B3GALNT1: variants seen among roughly 807,000 people sequenced by gnomAD.
B3GALNT1 encodes the protein beta-1,3-N-acetylgalactosaminyltransferase 1 (Globoside blood group), also known as UDP-GalNAc:beta-1,3-N-acetylgalactosaminyltransferase 1.
Under a neutral mutation model 27.3 loss-of-function variants are expected in B3GALNT1, and 17 were observed. The ratio of observed to expected loss-of-function variants is 0.62; its 90% CI spans 0.43 to 0.94. The LOEUF (loss-of-function observed/expected upper bound fraction) is 0.94, where lower values mean the gene tolerates loss of function less well. Ranked by LOEUF, B3GALNT1 falls within the 40% of genes least tolerant of loss-of-function variation. The pLI, the probability that B3GALNT1 is intolerant of heterozygous loss-of-function variation, is 0.00. For missense variants in B3GALNT1, 347 were observed against 390.0 expected (o/e 0.89, Z 0.93); for synonymous variants, 141 against 144.0 (o/e 0.98, Z 0.15).
intron 4 of B3GALNT1, among the ~76,000 whole-genome samples, chr3:161,091,524 G>A (rs919554733): frequency 2.6e-5 from 4 of 152,030 alleles, no homozygotes; most frequent in Non-Finnish European, 5.9e-5. Context: ...TCTTCCCAGC[G>A]TATCCACACT....
chr3:161,104,509 G>A, intron 1 of B3GALNT1, 103 bp from the exon 2 acceptor site: 4 of 445,730 alleles, frequency 9.0e-6, no homozygotes, highest in Non-Finnish European at 1.5e-5. Context: ...AAGACTACCC[G>A]TACTTGAGGA....
intron 1 of B3GALNT1, 67 bp from the exon 2 acceptor site, chr3:161,104,473 A>G: frequency 1.5e-6 from 1 of 677,134 alleles, no homozygotes; most frequent in Non-Finnish European, 2.2e-6. Context: ...ATCCAACATT[A>G]AGAAGGCGAA....
At position 161,085,641 on chromosome 3, in the gene B3GALNT1, G is replaced by T; in HGVS notation, c.*118C>A. 1 of 1,137,728 alleles carries T rather than the reference G, an allele frequency of 8.8e-7. No individual in the cohort carries two copies. Among genetic ancestry groups the T allele is most frequent in the Non-Finnish European group, 1.3e-6 (1 of 761,304 alleles). The allele number at this position is 1,137,728 out of a possible 1,614,324, so 70.5% of individuals were successfully genotyped here. A position where few individuals can be genotyped will look rare whatever the true frequency, so the allele number is the denominator to read the frequency against. ...AGTCTCCAGTCTGGGTTTTTCATGA[G>T]TTTCAGTTCAGTGTAAGCCAGCACA... On this transcript the variant is annotated 3_prime_UTR_variant, in exon 5 of 5. Transcript: ENST00000320474.
chr3:161,092,664 T>C (rs1725790749), intron 4 of B3GALNT1, among the ~76,000 whole-genome samples: 1 of 152,114 alleles, frequency 6.6e-6, no homozygotes, highest in Non-Finnish European at 1.5e-5. Context: ...ATAAAAATGC[T>C]TTGGATATCA....
chr3:161,098,568 C>G (rs13061088), intron 4 of B3GALNT1, among the ~76,000 whole-genome samples: 29,201 of 152,114 alleles, frequency 0.19, 3,580 homozygotes, highest in East Asian at 0.55. Context: ...CAAAAATTAG[C>G]CAGGCATACT....
intron 4 of B3GALNT1, among the ~76,000 whole-genome samples, chr3:161,092,776 T>C (rs1725941185): frequency 6.9e-6 from 1 of 144,908 alleles, no homozygotes; most frequent in African/African-American, 2.6e-5. Context: ...TTTTTTTTTT[T>C]TTTTTTTTGA....
chr3:161,102,666 A>C (rs1345668003), intron 3 of B3GALNT1, among the ~76,000 whole-genome samples: 1 of 152,236 alleles, frequency 6.6e-6, no homozygotes, highest in African/African-American at 2.4e-5. Context: ...CTGTTGTGCA[A>C]GGTCATTAAG....
At chr3:161,104,936 G>C (rs1479941150) in intron 1 of B3GALNT1, 4 of 152,242 alleles carry the variant, frequency 2.6e-5, no homozygotes, top group Non-Finnish European at 5.9e-5. Context: ...ATGCGGCGCG[G>C]CCGCGGCCTG....
intron 4 of B3GALNT1, among the ~76,000 whole-genome samples, chr3:161,099,498 A>G (rs900071555): frequency 3.3e-5 from 5 of 152,226 alleles, no homozygotes; most frequent in African/African-American, 1.2e-4. Flanking sequence ...TATGAGTCCA[A>G]TATGATAAAA....
rs766473939 is a variant in B3GALNT1, at chr3:161,086,532, G to C, written c.223C>G (p.His75Asp). The change falls in exon 5 of 5, where the codon CAT (histidine) becomes GAT (aspartate). Residue 75 changes from histidine to aspartate, a missense_variant. His to Asp is a moderately conservative substitution (Grantham distance 81). Coordinates refer to ENST00000320474, the MANE Select transcript of B3GALNT1 (RefSeq NM_003781.4). ...AGAATGACCAGAAATGGATTTTGAT[G>C]AGAGCAGTTTGAATGCTCTCGAAGT... ...FTLREHSNCS[H>D]QNPFLVILVT... 6.2e-7 allele frequency: 1 copy of C among 1,614,184 alleles called. No homozygotes were observed. Among genetic ancestry groups the C allele is most frequent in the Non-Finnish European group, 8.5e-7 (1 of 1,180,046 alleles).
At chr3:161,096,906 G>A (rs1439128248) in intron 4 of B3GALNT1, among the ~76,000 whole-genome samples, 1 of 152,180 alleles carries the variant, frequency 6.6e-6, no homozygotes, top group African/African-American at 2.4e-5. Flanking sequence ...TTCAGAGGGT[G>A]GCAGGGCTCA....
chr3:161,100,297 A>G (rs1021140624), intron 4 of B3GALNT1, among the ~76,000 whole-genome samples: 6 of 152,182 alleles, frequency 3.9e-5, no homozygotes, highest in Non-Finnish European at 8.8e-5. Context: ...TTAAGAAAAA[A>G]GCCCACCTCG....
At chr3:161,092,918 C>T (rs1019152502) in intron 4 of B3GALNT1, among the ~76,000 whole-genome samples, 35 of 151,842 alleles carry the variant, frequency 2.3e-4, no homozygotes, top group African/African-American at 7.5e-4. Context: ...CCACCACGCC[C>T]GGCTAATTTT....
intron 4 of B3GALNT1, among the ~76,000 whole-genome samples, chr3:161,091,161 C>T (rs190004455): frequency 6.6e-6 from 1 of 152,058 alleles, no homozygotes; most frequent in African/African-American, 2.4e-5. Flanking sequence ...CCCAGCTACC[C>T]GGGAGGCTGA....
chr3:161,085,633 T>C lies in B3GALNT1; in HGVS notation c.*126A>G. On this transcript the variant is annotated 3_prime_UTR_variant, in exon 5 of 5. Transcript: ENST00000320474. ...AACCCTCCAGTCTCCAGTCTGGGTT[T>C]TTCATGAGTTTCAGTTCAGTGTAAG... 9.7e-7 allele frequency: 1 copy of C among 1,032,020 alleles called. No individual in the cohort carries two copies. The highest frequency in any genetic ancestry group is 1.5e-6 in the Non-Finnish European group (1 of 668,898). The allele number at this position is 1,032,020 out of a possible 1,614,324, so 63.9% of individuals were successfully genotyped here.
In B3GALNT1 at chr3:161,085,543, A is replaced by C. The variant is rs996389864; in HGVS notation, c.*216T>G. 1.8e-6 allele frequency: 1 copy of C among 562,064 alleles called. No individual in the cohort carries two copies. The highest frequency in any genetic ancestry group is 1.9e-5 in the African/African-American group (1 of 53,078). 34.8% of individuals were successfully genotyped at this position (562,064 alleles called of 1,614,324 possible). The stretch of plus-strand genomic sequence containing the variant: ...TTAATTTCTTTAGCAAAAACCTCCA[A>C]TTCCTTTATATTTAATTCCTCCACA... On this transcript the variant is annotated 3_prime_UTR_variant, in exon 5 of 5. Coordinates refer to ENST00000320474, the MANE Select transcript of B3GALNT1 (RefSeq NM_003781.4).
chr3:161,090,044 G>T, intron 4 of B3GALNT1: 1 of 185,556 alleles, frequency 5.4e-6, no homozygotes, highest in Non-Finnish European at 1.2e-5. Context: ...ACTCCAGCCT[G>T]GGCAACAGAG....
Position 161,086,461 on chromosome 3 carries a change from T to G in B3GALNT1, c.294A>C (p.Arg98Ser), listed in dbSNP as rs1250476557. 2 of 1,613,762 alleles carry G rather than the reference T, an allele frequency of 1.2e-6. No homozygotes were observed. The highest frequency in any genetic ancestry group is 2.7e-5 in the African/African-American group (2 of 74,896). Residue 98 changes from arginine (R) to serine (S), a missense_variant, in exon 5 of 5, where the codon AGA (arginine) becomes AGC (serine). Physicochemically the swap from Arg to Ser is moderately radical, Grantham distance 110. Transcript: ENST00000320474. Reference protein sequence around the residue: ...PSDVKARQAIRVTWGEKKSWW... With the variant: ...PSDVKARQAISVTWGEKKSWW... ...AAGACTTTTTTTCACCCCAAGTAAC[T>G]CTAATGGCCTGCCTGGCTTTCACAT...
chr3:161,098,580 G>A (rs979236648), intron 4 of B3GALNT1, among the ~76,000 whole-genome samples: 4 of 152,146 alleles, frequency 2.6e-5, no homozygotes, highest in Non-Finnish European at 5.9e-5. Flanking sequence ...AGGCATACTG[G>A]TGCATGCCTG....
Sources: gnomAD v4.1 joint callset for allele counts (sites outside exome capture counted in the v4.1 genomes callset) on GRCh38, gnomAD v4.1.1 for gene constraint, MANE v1.5 for transcripts, NCBI Gene and HGNC (gene_info 2026-07-23, HGNC 2026-07-21) for gene names.